GRIK2: variants seen among roughly 807,000 people sequenced by gnomAD.
GRIK2 encodes glutamate receptor ionotropic, kainate 2.
A neutral mutation model predicts 100.3 loss-of-function variants in GRIK2; 32 were observed. The observed-to-expected ratio is 0.32, with a 90% CI of 0.24 to 0.43. GRIK2 has a LOEUF of 0.43. GRIK2 is among the 20% of genes least tolerant of loss of function. GRIK2 has a pLI of 1.00. For missense variants in GRIK2, 843 were observed against 1,114.9 expected, an observed-to-expected ratio of 0.76 and a Z score of 3.47; for synonymous variants, 417 against 389.4, an observed-to-expected ratio of 1.07 and a Z score of -0.83.
chr6:101,406,725 A>G (rs572849870), intron 2 of GRIK2, among the ~76,000 whole-genome samples: 1 of 152,274 alleles, frequency 6.6e-6, no homozygotes, highest in East Asian at 1.9e-4. Flanking sequence ...AAGTTAAATG[A>G]CATTTGATAC....
At chr6:102,048,209 C>T (rs1452974501) in intron 15 of GRIK2, among the ~76,000 whole-genome samples, 2 of 151,388 alleles carry the variant, frequency 1.3e-5, no homozygotes, top group Admixed American at 6.6e-5. Context: ...AAAATCAACT[C>T]AAAATGCATT....
chr6:101,824,021 C>T (rs1408108191), intron 10 of GRIK2, among the ~76,000 whole-genome samples: 1 of 151,948 alleles, frequency 6.6e-6, no homozygotes, highest in East Asian at 1.9e-4. Context: ...GCACTGCCAC[C>T]ATGCCTGGCT....
At chr6:101,737,126 A>C (rs988233551) in intron 7 of GRIK2, among the ~76,000 whole-genome samples, 4 of 151,922 alleles carry the variant, frequency 2.6e-5, no homozygotes, top group African/African-American at 9.7e-5. Context: ...CATTATCAGG[A>C]TTTTGGTTAA....
intron 2 of GRIK2, among the ~76,000 whole-genome samples, chr6:101,436,581 G>A (rs1769729451): frequency 6.6e-6 from 1 of 151,988 alleles, no homozygotes; most frequent in Admixed American, 6.6e-5. Context: ...AGATTTTTAT[G>A]TGGGAGCAAG....
At chr6:101,611,817 C>T (rs1350802877) in intron 2 of GRIK2, among the ~76,000 whole-genome samples, 1 of 151,762 alleles carries the variant, frequency 6.6e-6, no homozygotes, top group Non-Finnish European at 1.5e-5. Context: ...CATGGTGTGT[C>T]CACGGGTCAC....
rs982536152 is a variant in GRIK2 at position 101,410,182 on chromosome 6, A to G, written c.115+10790A>G. 5.9e-5 allele frequency among the ~76,000 whole-genome samples: 9 copies of G among 152,220 alleles called. No individual in the cohort carries two copies. The East Asian group carries it at 1.3e-3, about 23-fold the overall frequency. On this transcript the variant is annotated intron_variant, in intron 2 of 16. Transcript: ENST00000369134. ...TGGTTTAAATTTTTTTCACTTTTTC[A>G]TAAGTATATTGTTCTAGTTTACCTA...
intron 2 of GRIK2, among the ~76,000 whole-genome samples, chr6:101,532,286 A>G (rs914010256): frequency 8.6e-5 from 13 of 151,978 alleles, no homozygotes; most frequent in Non-Finnish European, 1.8e-4. Flanking sequence ...GAACAAGCTC[A>G]GTTAACATTC....
At chr6:102,002,016 C>A (rs1395955445) in intron 14 of GRIK2, among the ~76,000 whole-genome samples, 1 of 151,252 alleles carries the variant, frequency 6.6e-6, no homozygotes, top group South Asian at 2.1e-4. Flanking sequence ...AGAGTGGATA[C>A]CTAAAAAAAA....
intron 16 of GRIK2, 111 bp from the exon 17 acceptor site, chr6:102,068,236 A>G: frequency 2.8e-6 from 2 of 723,566 alleles, no homozygotes; most frequent in Non-Finnish European, 2.2e-6. Flanking sequence ...AAATTTTCAA[A>G]CCTTCAAGGA....
chr6:101,592,718 G>A (rs1778732085), intron 2 of GRIK2, among the ~76,000 whole-genome samples: 1 of 149,948 alleles, frequency 6.7e-6, no homozygotes, highest in Admixed American at 6.7e-5. Flanking sequence ...TTCTAGGATT[G>A]AATTGAAGCA....
chr6:101,713,249 A>G (rs890632866), intron 7 of GRIK2, among the ~76,000 whole-genome samples: 14 of 151,340 alleles, frequency 9.3e-5, no homozygotes, highest in Non-Finnish European at 1.5e-5. Context: ...ATCATTACTG[A>G]TTTGTATGCA....
chr6:101,525,533 A>G (rs1390626864), intron 2 of GRIK2, among the ~76,000 whole-genome samples: 2 of 152,212 alleles, frequency 1.3e-5, no homozygotes, highest in Non-Finnish European at 2.9e-5. Flanking sequence ...AGTGCAACAT[A>G]TAGGATCTTA....
chr6:101,955,454 C>CTA (rs1791856012), intron 14 of GRIK2, among the ~76,000 whole-genome samples: 1 of 151,922 alleles, frequency 6.6e-6, no homozygotes, highest in African/African-American at 2.4e-5. Context: ...GAGTTCAAAG[C>CTA]TACCATAGGC....
intron 16 of GRIK2, among the ~76,000 whole-genome samples, chr6:102,064,644 C>T (rs1251792552): frequency 1.3e-5 from 2 of 150,988 alleles, no homozygotes; most frequent in East Asian, 1.9e-4. Context: ...AATGATAATA[C>T]GTTAGAATTT....
At chr6:101,872,215 C>T (rs1321965153) in intron 11 of GRIK2, among the ~76,000 whole-genome samples, 2 of 151,732 alleles carry the variant, frequency 1.3e-5, no homozygotes, top group Non-Finnish European at 2.9e-5. Context: ...CAACATTAAC[C>T]CAGTAACCAT....
chr6:101,969,158 A>G (rs1158701372), intron 14 of GRIK2, among the ~76,000 whole-genome samples: 2 of 152,022 alleles, frequency 1.3e-5, no homozygotes, highest in Admixed American at 1.3e-4. Flanking sequence ...CATATAATTT[A>G]TAACTGTTGA....
At chr6:101,946,208 A>G (rs952433280) in intron 14 of GRIK2, among the ~76,000 whole-genome samples, 8 of 152,088 alleles carry the variant, frequency 5.3e-5, no homozygotes, top group Non-Finnish European at 1.0e-4. Context: ...GACAATAATT[A>G]TTAATGAGAA....
chr6:101,913,037 A>C (rs1788857694), intron 12 of GRIK2, among the ~76,000 whole-genome samples: 1 of 151,628 alleles, frequency 6.6e-6, no homozygotes, highest in African/African-American at 2.4e-5. Context: ...TAAAGCAGTA[A>C]GATTGATTCC....
chr6:101,505,610 G>C lies in GRIK2; in HGVS notation c.115+106218G>C, dbSNP rs111900828. On this transcript the variant is annotated intron_variant, in intron 2 of 16. Transcript: ENST00000369134. Reference sequence around the variant, plus strand: ...TACACACTAGTTCTCTCAAATTATTGGTCTAGTTTGACAAAGTCCCAAAGG... The same window carrying C: ...TACACACTAGTTCTCTCAAATTATTCGTCTAGTTTGACAAAGTCCCAAAGG... Among the ~76,000 whole-genome samples, 170 of 152,060 alleles carry C rather than the reference G, an allele frequency of 1.1e-3. 2 individuals are homozygous for C. The highest frequency in any genetic ancestry group is 3.5e-3 in the African/African-American group (145 of 41,490).
Sources: allele counts gnomAD v4.1 joint callset (sites outside exome capture counted in the v4.1 genomes callset), GRCh38; gene constraint gnomAD v4.1.1; transcripts MANE v1.5; gene names NCBI Gene and HGNC (gene_info 2026-07-23, HGNC 2026-07-21).